Variants in SGCD observed in about 807,000 individuals in gnomAD.
SGCD encodes sarcoglycan delta.
SGCD carries 18 observed loss-of-function variants against 36.6 expected under a neutral mutation model. The ratio of observed to expected loss-of-function variants is 0.49; its 90% CI spans 0.34 to 0.73. The LOEUF (loss-of-function observed/expected upper bound fraction) is 0.73. Ranked by LOEUF, SGCD falls within the 30% of genes least tolerant of loss-of-function variation. The pLI is 0.01. For synonymous variants in SGCD, 133 were observed against 130.6 expected (o/e 1.02, Z -0.12); for missense variants, 387 against 346.7 (o/e 1.12, Z -0.92).
chr5:156,742,828 G>A (rs73304939), intron 7 of SGCD, among the ~76,000 whole-genome samples: 6,062 of 152,172 alleles, frequency 0.04, 397 homozygotes, highest in African/African-American at 0.14. Flanking sequence ...GTTATCTCTT[G>A]CTCAGTTTTT....
intron 1 of SGCD, among the ~76,000 whole-genome samples, chr5:155,943,874 C>G (rs984972391): frequency 1.3e-5 from 2 of 152,164 alleles, no homozygotes. Flanking sequence ...CTGGCTCCTT[C>G]AAAGTTACCC....
intron 1 of SGCD, among the ~76,000 whole-genome samples, chr5:156,043,750 G>A (rs1324854323): frequency 6.6e-6 from 1 of 152,054 alleles, no homozygotes; most frequent in Non-Finnish European, 1.5e-5. Context: ...TGAAAAAATA[G>A]AGTAATATCC....
intron 3 of SGCD, among the ~76,000 whole-genome samples, chr5:156,177,089 C>T (rs531835893): frequency 1.3e-5 from 2 of 152,262 alleles, no homozygotes; most frequent in South Asian, 4.1e-4. Context: ...GCAACCTCCG[C>T]CTCCTGGGTT....
chr5:155,911,844 T>C (rs914982099), intron 1 of SGCD, among the ~76,000 whole-genome samples: 23 of 152,124 alleles, frequency 1.5e-4, no homozygotes, highest in Admixed American at 2.0e-4. Context: ...CTGGGTTATA[T>C]ACCTGGTCCA....
intron 3 of SGCD, among the ~76,000 whole-genome samples, chr5:156,500,181 G>A (rs904105069): frequency 6.6e-6 from 1 of 152,148 alleles, no homozygotes. Context: ...GGAATCTCAT[G>A]TAGGAACAGG....
chr5:156,491,015 C>G (rs900457443), intron 3 of SGCD, among the ~76,000 whole-genome samples: 1 of 151,684 alleles, frequency 6.6e-6, no homozygotes, highest in Admixed American at 6.6e-5. Context: ...AATTTTTGTA[C>G]AAAAATTAGA....
At chr5:156,153,253 GTT>G (rs80302793) in intron 3 of SGCD, among the ~76,000 whole-genome samples, 2 of 141,150 alleles carry the variant, frequency 1.4e-5, no homozygotes, top group African/African-American at 2.6e-5. Context: ...AAAAAATGTT[GTT>G]TTTTTTTTTT....
chr5:156,269,432 T>C (rs1198356817), intron 3 of SGCD, among the ~76,000 whole-genome samples: 1 of 119,046 alleles, frequency 8.4e-6, no homozygotes, highest in Non-Finnish European at 1.6e-5. Flanking sequence ...ATCATGCCAT[T>C]GCACTCCAGC....
chr5:156,259,957 A>AT (rs1765814113), intron 3 of SGCD, among the ~76,000 whole-genome samples: 2 of 152,136 alleles, frequency 1.3e-5, no homozygotes, highest in African/African-American at 4.8e-5. Context: ...AATAAATTTC[A>AT]TTTTTTTATA....
At chr5:156,351,326 C>A (rs2127722508) in intron 3 of SGCD, among the ~76,000 whole-genome samples, 1 of 152,126 alleles carries the variant, frequency 6.6e-6, no homozygotes, top group East Asian at 1.9e-4. Flanking sequence ...TAGGAAGAGT[C>A]AGTGTTGACA....
chr5:156,219,997 G>T (rs1331964507), intron 3 of SGCD, among the ~76,000 whole-genome samples: 1 of 152,072 alleles, frequency 6.6e-6, no homozygotes, highest in Non-Finnish European at 1.5e-5. Flanking sequence ...TAGGTCTTGG[G>T]CTATTTTAAC....
At chr5:156,708,279 T>TAA (rs35320814) in intron 7 of SGCD, among the ~76,000 whole-genome samples, 2 of 149,076 alleles carry the variant, frequency 1.3e-5, no homozygotes. Context: ...AGCATTCTAT[T>TAA]AAAAAAAAAA....
At chr5:155,793,173 T>A in the SGCD span, among the ~76,000 whole-genome samples, 13,787 of 152,268 alleles carry the variant, frequency 0.091, 800 homozygotes, top group South Asian at 0.2. Flanking sequence ...AAATACTGCA[T>A]GTTCTCACTT....
chr5:156,181,197 T>C (rs2871769), intron 3 of SGCD, among the ~76,000 whole-genome samples: 44,740 of 151,982 alleles, frequency 0.29, 7,033 homozygotes, highest in East Asian at 0.57. Flanking sequence ...TTTTGGAGAA[T>C]TGTTTTCTGC....
intron 7 of SGCD, among the ~76,000 whole-genome samples, chr5:156,702,731 A>G (rs569751255): frequency 3.3e-4 from 51 of 152,302 alleles, no homozygotes; most frequent in African/African-American, 1.1e-3. Flanking sequence ...CCTTCTTACT[A>G]TGAGTGGGAG....
intron 3 of SGCD, among the ~76,000 whole-genome samples, chr5:156,357,800 C>T (rs1178027518): frequency 5.3e-5 from 8 of 151,716 alleles, no homozygotes; most frequent in South Asian, 4.2e-4. Flanking sequence ...GCATTTTGAC[C>T]GGCTTTTAAT....
intron 1 of SGCD, among the ~76,000 whole-genome samples, chr5:156,041,194 C>T (rs1264895183): frequency 6.6e-6 from 1 of 152,172 alleles, no homozygotes; most frequent in Non-Finnish European, 1.5e-5. Flanking sequence ...TCAACACAGG[C>T]CTCACAGATA....
intron 4 of SGCD, among the ~76,000 whole-genome samples, chr5:156,547,404 T>C (rs1758619910): frequency 6.6e-6 from 1 of 152,108 alleles, no homozygotes; most frequent in Non-Finnish European, 1.5e-5. Flanking sequence ...TAAAGAGGAA[T>C]TTGTTGTACC....
At chr5:155,985,190 G>T (rs951339627) in intron 1 of SGCD, among the ~76,000 whole-genome samples, 16 of 152,176 alleles carry the variant, frequency 1.1e-4, no homozygotes, top group African/African-American at 3.6e-4. Flanking sequence ...TCTGGGCATA[G>T]GATGGTTCAG....
Sources: gnomAD v4.1 joint callset for allele counts (sites outside exome capture counted in the v4.1 genomes callset) on GRCh38, gnomAD v4.1.1 for gene constraint, MANE v1.5 for transcripts, NCBI Gene and HGNC (gene_info 2026-07-23, HGNC 2026-07-21) for gene names.